Variants in MIS18A observed in about 807,000 individuals in gnomAD.
The protein encoded by MIS18A is protein Mis18-alpha.
Under a neutral mutation model 25.0 loss-of-function variants are expected in MIS18A, and 14 were observed. The observed-to-expected ratio is 0.56, with a 90% CI of 0.37 to 0.88. The LOEUF (loss-of-function observed/expected upper bound fraction) is 0.88. MIS18A is among the 40% of genes least tolerant of loss of function. The pLI is 0.00. For synonymous variants in MIS18A, 134 were observed against 118.6 expected (o/e 1.13, Z -0.84); for missense variants, 292 against 290.8 (o/e 1.00, Z -0.03).
chr21:32,275,494 A>G (rs1485544944), intron 1 of MIS18A, among the ~76,000 whole-genome samples: 2 of 152,180 alleles, frequency 1.3e-5, no homozygotes, highest in Non-Finnish European at 2.9e-5. Flanking sequence ...GGTCCTCAGG[A>G]TCCCAGCCAC....
the MIS18A span, among the ~76,000 whole-genome samples, chr21:32,214,523 A>G: frequency 6.6e-6 from 1 of 152,166 alleles, no homozygotes; most frequent in South Asian, 2.1e-4. Context: ...GGGTTTTAAA[A>G]GCTTTTTGTC....
At chr21:32,156,787 TG>T in the MIS18A span, among the ~76,000 whole-genome samples, 6 of 150,630 alleles carry the variant, frequency 4.0e-5, no homozygotes, top group African/African-American at 1.5e-4. Flanking sequence ...AACAGACCTA[TG>T]ATTCTGTGGG....
chr21:32,236,317 A>G, the MIS18A span, among the ~76,000 whole-genome samples: 17 of 152,146 alleles, frequency 1.1e-4, no homozygotes, highest in Middle Eastern at 3.4e-3. Context: ...CGGGAGGTGG[A>G]GCTTGCAGTG....
chr21:32,275,890 G>A (rs568761003), intron 1 of MIS18A, among the ~76,000 whole-genome samples: 1 of 152,044 alleles, frequency 6.6e-6, no homozygotes, highest in South Asian at 2.1e-4. Context: ...TACTGCCCTG[G>A]CTCTTCACTA....
At chr21:32,274,711 A>AT (rs2031778425) in intron 2 of MIS18A, 119 bp downstream of exon 2, 5 of 787,924 alleles carry the variant, frequency 6.3e-6, no homozygotes, top group East Asian at 2.7e-5. Context: ...CGAACGACTG[A>AT]TTTTTTTACT....
the MIS18A span, chr21:32,260,231 C>T: frequency 0.16 from 24,429 of 151,902 alleles, 2,522 homozygotes; most frequent in East Asian, 0.23. Flanking sequence ...AACTAGAATA[C>T]AAAATCTAAG....
At chr21:32,179,028 T>G in the MIS18A span, among the ~76,000 whole-genome samples, 1 of 152,000 alleles carries the variant, frequency 6.6e-6, no homozygotes, top group Non-Finnish European at 1.5e-5. Context: ...TGTTAGAATT[T>G]TATTAATCTT....
At chr21:32,185,075 T>C in the MIS18A span, among the ~76,000 whole-genome samples, 1 of 152,156 alleles carries the variant, frequency 6.6e-6, no homozygotes, top group Non-Finnish European at 1.5e-5. Context: ...GCCTACGATG[T>C]AAGTACCCCA....
chr21:32,221,370 C>A, the MIS18A span, among the ~76,000 whole-genome samples: 1 of 152,158 alleles, frequency 6.6e-6, no homozygotes, highest in African/African-American at 2.4e-5. Context: ...ATTTTGTATC[C>A]AGCCAAACTA....
At chr21:32,189,446 T>C in the MIS18A span, among the ~76,000 whole-genome samples, 1 of 152,012 alleles carries the variant, frequency 6.6e-6, no homozygotes, top group Non-Finnish European at 1.5e-5. Flanking sequence ...ACCTGGTAAA[T>C]TTTTATAATT....
the MIS18A span, among the ~76,000 whole-genome samples, chr21:32,245,670 T>C: frequency 3.9e-5 from 6 of 152,154 alleles, no homozygotes; most frequent in Admixed American, 2.6e-4. Flanking sequence ...CCACCCTCTG[T>C]CCTTCCAAAC....
At chr21:32,181,377 A>G in the MIS18A span, among the ~76,000 whole-genome samples, 1 of 152,074 alleles carries the variant, frequency 6.6e-6, no homozygotes, top group Non-Finnish European at 1.5e-5. Flanking sequence ...CTTATAATAA[A>G]TCTCTTTGTA....
At chr21:32,229,851 T>C in the MIS18A span, among the ~76,000 whole-genome samples, 2 of 152,362 alleles carry the variant, frequency 1.3e-5, no homozygotes, top group Admixed American at 1.3e-4. Flanking sequence ...CCCCTTTTCA[T>C]TTCCTAAACA....
intron 2 of MIS18A, 147 bp from the exon 3 acceptor site, chr21:32,270,676 A>G (rs1203640156): frequency 1.3e-6 from 1 of 753,526 alleles, no homozygotes; most frequent in Non-Finnish European, 1.8e-6. Flanking sequence ...GGAAAAAATG[A>G]TAGTAAGATA....
intron 1 of MIS18A, among the ~76,000 whole-genome samples, chr21:32,276,383 C>G (rs956661799): frequency 1.4e-5 from 2 of 142,906 alleles, no homozygotes; most frequent in African/African-American, 5.4e-5. Flanking sequence ...ATAGCGTGAA[C>G]CCGGGAGGTG....
chr21:32,199,064 T>C, the MIS18A span, among the ~76,000 whole-genome samples: 1 of 152,146 alleles, frequency 6.6e-6, no homozygotes, highest in African/African-American at 2.4e-5. Context: ...TGGATTGGAT[T>C]GGGATTTGCA....
downstream of MIS18A, among the ~76,000 whole-genome samples, chr21:32,265,569 G>C (rs1028598759): frequency 1.3e-5 from 2 of 152,210 alleles, no homozygotes; most frequent in Non-Finnish European, 2.9e-5. Context: ...GCCTTCCCGC[G>C]GGGCAGGGCT....
At chr21:32,227,434 T>C in the MIS18A span, among the ~76,000 whole-genome samples, 3 of 151,722 alleles carry the variant, frequency 2.0e-5, no homozygotes, top group Admixed American at 2.0e-4. Flanking sequence ...AATGGGCAAT[T>C]GTACACCAAA....
At chr21:32,174,160 T>C in the MIS18A span, among the ~76,000 whole-genome samples, 3 of 151,974 alleles carry the variant, frequency 2.0e-5, no homozygotes, top group South Asian at 6.3e-4. Context: ...AGACGGGGTT[T>C]CACCATGTTG....
Sources: allele counts gnomAD v4.1 joint callset (sites outside exome capture counted in the v4.1 genomes callset), GRCh38; gene constraint gnomAD v4.1.1; transcripts MANE v1.5; gene names NCBI Gene and HGNC (gene_info 2026-07-23, HGNC 2026-07-21).